The following LINGO2 variants were observed in gnomAD, a reference collection of about 807,000 sequenced individuals.
The protein encoded by LINGO2 is leucine rich repeat and Ig domain containing 2.
In LINGO2, 14 loss-of-function variants were observed where a neutral mutation model predicts 30.6. The ratio of observed to expected loss-of-function variants is 0.46; its 90% CI spans 0.30 to 0.72. The LOEUF is 0.72. Among genes scored for constraint, LINGO2 ranks in the 30% least tolerant of loss-of-function variants. The pLI is 0.07. For synonymous variants in LINGO2, 317 were observed against 288.5 expected (o/e 1.10, Z -1.00); for missense variants, 729 against 751.7 (o/e 0.97, Z 0.35).
the LINGO2 span, among the ~76,000 whole-genome samples, chr9:29,138,378 C>T: frequency 6.6e-6 from 1 of 152,092 alleles, no homozygotes; most frequent in Non-Finnish European, 1.5e-5. Context: ...TCTGACATTG[C>T]CCTTTACTCA....
intron 4 of LINGO2, among the ~76,000 whole-genome samples, chr9:28,054,040 G>A (rs777033643): frequency 2.6e-5 from 4 of 151,130 alleles, no homozygotes; most frequent in East Asian, 3.9e-4. Flanking sequence ...TACAGAGTAC[G>A]TGGGTTGCAG....
the LINGO2 span, among the ~76,000 whole-genome samples, chr9:29,195,930 G>C: frequency 2.0e-5 from 3 of 151,982 alleles, no homozygotes; most frequent in Non-Finnish European, 4.4e-5. Context: ...AGTTATCCCT[G>C]CATCTAGAAT....
At chr9:29,062,648 A>G in the LINGO2 span, among the ~76,000 whole-genome samples, 1 of 152,162 alleles carries the variant, frequency 6.6e-6, no homozygotes, top group South Asian at 2.1e-4. Context: ...ATCCATAAAG[A>G]AAAAGTAGAA....
intron 1 of LINGO2, among the ~76,000 whole-genome samples, chr9:28,581,691 AACAC>A (rs542448616): frequency 1.1e-3 from 173 of 151,942 alleles, no homozygotes; most frequent in Admixed American, 6.3e-3. Context: ...AATATACATA[AACAC>A]ACACACAAGA....
intron 4 of LINGO2, among the ~76,000 whole-genome samples, chr9:28,091,298 T>C (rs1344845119): frequency 6.6e-6 from 1 of 152,206 alleles, no homozygotes; most frequent in Non-Finnish European, 1.5e-5. Flanking sequence ...GGCATCATGC[T>C]ACCTGACTTC....
the LINGO2 span, among the ~76,000 whole-genome samples, chr9:29,006,126 T>C: frequency 6.6e-6 from 1 of 151,470 alleles, no homozygotes. Context: ...GTATAGTGCC[T>C]AGCAAATACT....
intron 4 of LINGO2, among the ~76,000 whole-genome samples, chr9:28,241,177 G>C (rs186257107): frequency 8.2e-4 from 118 of 143,968 alleles, no homozygotes; most frequent in African/African-American, 2.9e-3. Flanking sequence ...GCTGAGGCAG[G>C]AGAATTGCTT....
intron 4 of LINGO2, among the ~76,000 whole-genome samples, chr9:28,032,566 A>C (rs1823733633): frequency 6.6e-6 from 1 of 152,234 alleles, no homozygotes; most frequent in Non-Finnish European, 1.5e-5. Context: ...TCAGTACTGA[A>C]AGCAGCTTGA....
chr9:28,376,360 G>A (rs763566381), intron 2 of LINGO2, among the ~76,000 whole-genome samples: 2 of 152,186 alleles, frequency 1.3e-5, no homozygotes, highest in Non-Finnish European at 2.9e-5. Context: ...CTTCTTCTAA[G>A]AGGTTTCCTA....
the LINGO2 span, among the ~76,000 whole-genome samples, chr9:29,190,910 T>C: frequency 6.6e-6 from 1 of 152,202 alleles, no homozygotes; most frequent in South Asian, 2.1e-4. Flanking sequence ...TGGTCTTGGA[T>C]AGACAGAGAC....
At chr9:28,788,630 A>G in the LINGO2 span, among the ~76,000 whole-genome samples, 1 of 152,200 alleles carries the variant, frequency 6.6e-6, no homozygotes, top group Non-Finnish European at 1.5e-5. Context: ...ACTTACAATC[A>G]TGGTGGAAGA....
chr9:29,040,748 G>C, the LINGO2 span, among the ~76,000 whole-genome samples: 1 of 151,902 alleles, frequency 6.6e-6, no homozygotes, highest in Non-Finnish European at 1.5e-5. Context: ...AATTGTTACA[G>C]TAAAACCAAA....
chr9:28,569,677 G>A (rs1020605095), intron 1 of LINGO2, among the ~76,000 whole-genome samples: 12 of 151,842 alleles, frequency 7.9e-5, no homozygotes, highest in East Asian at 1.9e-4. Flanking sequence ...TTTCAGTTAC[G>A]AAATGAATAA....
chr9:29,008,168 C>T, the LINGO2 span, among the ~76,000 whole-genome samples: 2 of 150,446 alleles, frequency 1.3e-5, no homozygotes, highest in African/African-American at 5.0e-5. Flanking sequence ...TGAGTGAGAA[C>T]ATGTGATGTT....
chr9:28,421,980 C>A (rs1209692095), intron 2 of LINGO2, among the ~76,000 whole-genome samples: 1 of 152,006 alleles, frequency 6.6e-6, no homozygotes, highest in Non-Finnish European at 1.5e-5. Context: ...TGGACCCTTA[C>A]CTTACCTACA....
intron 2 of LINGO2, among the ~76,000 whole-genome samples, chr9:28,389,247 T>C (rs935921404): frequency 3.3e-5 from 5 of 152,130 alleles, no homozygotes. Context: ...TAGCTTATAT[T>C]TATAAAATTA....
At chr9:28,916,144 G>T in the LINGO2 span, among the ~76,000 whole-genome samples, 2 of 152,106 alleles carry the variant, frequency 1.3e-5, no homozygotes, top group South Asian at 4.1e-4. Context: ...ATTTAAAACA[G>T]AGAACTTAAG....
intron 2 of LINGO2, among the ~76,000 whole-genome samples, chr9:28,422,660 T>C (rs10126008): frequency 0.13 from 19,303 of 152,072 alleles, 1,424 homozygotes; most frequent in East Asian, 0.24. Flanking sequence ...ATCTAGCAAT[T>C]CTACTCTGAG....
At chr9:27,995,147 G>C (rs561295302) in intron 5 of LINGO2, among the ~76,000 whole-genome samples, 34 of 152,082 alleles carry the variant, frequency 2.2e-4, no homozygotes, top group Middle Eastern at 3.4e-3. Context: ...TCGAAGAAAT[G>C]GATAAATTCT....
Sources: allele counts gnomAD v4.1 joint callset (sites outside exome capture counted in the v4.1 genomes callset), GRCh38; gene constraint gnomAD v4.1.1; transcripts MANE v1.5; gene names NCBI Gene and HGNC (gene_info 2026-07-23, HGNC 2026-07-21).